HADHA: variants seen among roughly 807,000 people sequenced by gnomAD.
HADHA encodes the protein hydroxyacyl-CoA dehydrogenase trifunctional multienzyme complex subunit alpha.
A neutral mutation model predicts 91.3 loss-of-function variants in HADHA; 59 were observed. The ratio of observed to expected loss-of-function variants is 0.65; its 90% CI spans 0.52 to 0.80. The LOEUF is 0.80. Ranked by LOEUF, HADHA falls within the 30% of genes least tolerant of loss-of-function variation. HADHA has a pLI of 0.00. For synonymous variants in HADHA, 320 were observed against 338.9 expected, an observed-to-expected ratio of 0.94 and a Z score of 0.61; for missense variants, 800 against 927.6, an observed-to-expected ratio of 0.86 and a Z score of 1.79.
At chr2:26,202,659 T>A (rs1278066198) in intron 12 of HADHA, among the ~76,000 whole-genome samples, 3 of 152,230 alleles carry the variant, frequency 2.0e-5, no homozygotes, top group Admixed American at 6.5e-5. Context: ...GAGAATCGCT[T>A]GAACCCGGGA....
chr2:26,226,470 C>A (rs1012066390), intron 7 of HADHA, among the ~76,000 whole-genome samples: 2 of 152,058 alleles, frequency 1.3e-5, no homozygotes, highest in African/African-American at 4.8e-5. Context: ...ATTGGTTTAA[C>A]AAAAAGACAT....
intron 7 of HADHA, among the ~76,000 whole-genome samples, chr2:26,220,977 T>G (rs940998973): frequency 7.2e-5 from 11 of 152,264 alleles, no homozygotes; most frequent in Non-Finnish European, 1.0e-4. Context: ...GGGCCTCCCA[T>G]GTTAGTGAAA....
intron 14 of HADHA, among the ~76,000 whole-genome samples, chr2:26,195,851 G>A (rs1162643982): frequency 8.5e-5 from 13 of 152,210 alleles, no homozygotes; most frequent in Admixed American, 7.9e-4. Context: ...GAAACTCCAT[G>A]GGTGGGGCCC....
intron 7 of HADHA, among the ~76,000 whole-genome samples, chr2:26,215,653 T>TG (rs1040195436): frequency 3.3e-5 from 5 of 152,200 alleles, no homozygotes; most frequent in Admixed American, 3.3e-4. Context: ...GTAATGCTTT[T>TG]GGGCATGGAC....
Position 26,236,961 on chromosome 2 carries a change from A to G in HADHA, c.208T>C (p.Ser70Pro), listed in dbSNP as rs1359738727. 2 of 1,609,128 alleles carry G rather than the reference A, an allele frequency of 1.2e-6. No individual in the cohort carries two copies. Among genetic ancestry groups the G allele is most frequent in the African/African-American group, 2.7e-5 (2 of 74,840 alleles). Residue 70 changes from serine (S) to proline (P), a missense_variant, in exon 4 of 20, where the codon TCA becomes CCA. Physicochemically the swap from Ser to Pro is moderately conservative, Grantham distance 74 (BLOSUM62 -1). Coordinates refer to ENST00000380649, the MANE Select transcript of HADHA (RefSeq NM_000182.5). The part of the protein sequence containing the change: ...KVNTLSKELH[S>P]EFSEVMNEIW... ...TCATTCATAACTTCTGAGAACTCTG[A>G]ATGTAGCTCTTTACTCAGTGTATTT...
At chr2:26,204,220 T>G (rs1169432573) in intron 11 of HADHA, 24 bp from the exon 12 acceptor site, 2 of 1,612,212 alleles carry the variant, frequency 1.2e-6, no homozygotes, top group Non-Finnish European at 1.7e-6. Flanking sequence ...ATGAAATGAC[T>G]TTCGGTAAAC....
Position 26,214,209 on chromosome 2 carries a change from T to TA in HADHA, c.918+233dup, listed in dbSNP as rs201509500. Among the ~76,000 whole-genome samples, 147 of 152,346 alleles carry TA rather than the reference T, an allele frequency of 9.6e-4. 1 individual carries two copies. The highest frequency in any genetic ancestry group is 3.4e-3 in the African/African-American group (142 of 41,576). ...TCCTGGTTTTCTGGTTTGTTACTGATACATTTAACTGCATCAATCAATGAG... is the reference window on the plus strand; with the variant it reads ...TCCTGGTTTTCTGGTTTGTTACTGATAACATTTAACTGCATCAATCAATGAG... On this transcript the variant is annotated intron_variant, in intron 9 of 19. Coordinates refer to ENST00000380649, the MANE Select transcript of HADHA (RefSeq NM_000182.5). The surrounding 1 kb of genome is among the most constrained non-coding windows in gnomAD (Gnocchi z 4.1).
rs566980751 is a variant in HADHA, at chr2:26,191,989, A to G, written c.2000+321T>C. Among the ~76,000 whole-genome samples, 3 of 152,302 alleles carry G rather than the reference A, an allele frequency of 2.0e-5. No homozygotes were observed. The South Asian group carries it at 6.2e-4, about 32-fold the overall frequency. The stretch of plus-strand genomic sequence containing the variant: ...GCGGCTCTCTGGGAACTTGCCAGAG[A>G]AGGCTGGAGCAGGGGAGGGCCTTCA... On this transcript the variant is annotated intron_variant, in intron 18 of 19. Transcript: ENST00000380649.
At position 26,229,699 on chromosome 2, in the gene HADHA, A is replaced by G. The variant is rs1670572524; in HGVS notation, c.676+493T>C. ...CCTAATGTTCTAATTATAAAGCAAA[A>G]TAAAAATCAGGGTGATGTTGAAAAT... is the stretch of plus-strand genomic sequence containing the variant. On this transcript the variant is annotated intron_variant, in intron 7 of 19. Transcript: ENST00000380649. The surrounding 1 kb of genome is among the most constrained non-coding windows in gnomAD (Gnocchi z 4.3). 6.6e-6 allele frequency among the ~76,000 whole-genome samples: 1 copy of G among 152,246 alleles called. No individual in the cohort carries two copies. The highest frequency in any genetic ancestry group is 2.1e-4 in the South Asian group (1 of 4,832).
chr2:26,195,880 C>T (rs1387195674), intron 14 of HADHA, among the ~76,000 whole-genome samples: 1 of 152,134 alleles, frequency 6.6e-6, no homozygotes, highest in Non-Finnish European at 1.5e-5. Flanking sequence ...TTTAATAATC[C>T]CTCCTGGTGA....
Position 26,214,975 on chromosome 2 carries a change from T to G in HADHA, c.799+78A>C. The G allele has an allele frequency of 1.6e-6, 2 of 1,289,468 alleles. No homozygotes were observed. Among genetic ancestry groups the G allele is most frequent in the Admixed American group, 1.7e-5 (1 of 59,604 alleles). 79.9% of individuals were successfully genotyped at this position (1,289,468 alleles called of 1,614,324 possible). A position where few individuals can be genotyped will look rare whatever the true frequency, so the allele number is the denominator to read the frequency against. On this transcript the variant is annotated intron_variant, in intron 8 of 19. Transcript: ENST00000380649. This position sits in a 1 kb window ranked among gnomAD's most constrained non-coding sequence, Gnocchi z 4.1. ...AGTAAATAATGCATTTACCACTTCCTCATTTTGAATCTACAGCAAATAAAA... is the reference window on the plus strand; with the variant it reads ...AGTAAATAATGCATTTACCACTTCCGCATTTTGAATCTACAGCAAATAAAA...
At chr2:26,228,172 C>G (rs1011397451) in intron 7 of HADHA, among the ~76,000 whole-genome samples, 3 of 151,804 alleles carry the variant, frequency 2.0e-5, no homozygotes, top group African/African-American at 2.4e-5. Context: ...GCTCTGTCAC[C>G]CAGGCTGGAG....
intron 14 of HADHA, among the ~76,000 whole-genome samples, chr2:26,196,453 G>A (rs1021918309): frequency 1.3e-5 from 2 of 152,136 alleles, no homozygotes; most frequent in Non-Finnish European, 2.9e-5. Context: ...ACATCAATGA[G>A]TTTTGACAAC....
At chr2:26,195,325 G>A (rs1669637721) in intron 14 of HADHA, 93 bp from the exon 15 acceptor site, 2 of 1,103,576 alleles carry the variant, frequency 1.8e-6, no homozygotes, top group South Asian at 2.5e-5. Context: ...TAGAAAGAAA[G>A]GTGGCTGTGA....
chr2:26,230,517 C>T (rs755409892), intron 6 of HADHA, among the ~76,000 whole-genome samples: 1 of 152,074 alleles, frequency 6.6e-6, no homozygotes, highest in African/African-American at 2.4e-5. Flanking sequence ...GTCTTTATCT[C>T]TTAATTCAAT....
chr2:26,244,444 G>A, intron 1 of HADHA, 86 bp downstream of exon 1: 1 of 1,353,808 alleles, frequency 7.4e-7, no homozygotes, highest in Non-Finnish European at 1.0e-6. Context: ...GCAGGCGGCA[G>A]CGAAAGGGAG....
intron 7 of HADHA, 66 bp downstream of exon 7, chr2:26,230,126 G>A: frequency 2.0e-6 from 2 of 1,022,028 alleles, no homozygotes; most frequent in Non-Finnish European, 3.1e-6. Flanking sequence ...CCTGGCCTAA[G>A]AGGTTAACTC....
chr2:26,217,327 G>A (rs147766187), intron 7 of HADHA, among the ~76,000 whole-genome samples: 4 of 152,064 alleles, frequency 2.6e-5, no homozygotes, highest in African/African-American at 7.2e-5. Flanking sequence ...TTCATTTTTG[G>A]GCAATATCAA....
chr2:26,244,554 C>A lies in HADHA; in HGVS notation c.43G>T (p.Ala15Ser). 6.3e-7 allele frequency: 1 copy of A among 1,587,926 alleles called. No individual in the cohort carries two copies. The highest frequency in any genetic ancestry group is 1.1e-5 in the South Asian group (1 of 87,236). Residue 15 changes from alanine to serine, a missense_variant, in exon 1 of 20, where the codon GCC becomes TCC. Ala to Ser is a moderately conservative substitution (Grantham distance 99). Coordinates refer to ENST00000380649, the MANE Select transcript of HADHA (RefSeq NM_000182.5). ...CCTCGGGAGCGGAGGATCCTGAAGGCAGAAAAGCGGCTGAGGATGCCAATC... is the reference window on the plus strand; with the variant it reads ...CCTCGGGAGCGGAGGATCCTGAAGGAAGAAAAGCGGCTGAGGATGCCAATC... ...RAIGILSRFS[A>S]FRILRSRGYI...
Sources: allele counts gnomAD v4.1 joint callset (sites outside exome capture counted in the v4.1 genomes callset), GRCh38; gene constraint gnomAD v4.1.1; non-coding constraint Gnocchi (gnomAD v3.1); transcripts MANE v1.5; gene names NCBI Gene and HGNC (gene_info 2026-07-23, HGNC 2026-07-21).